The following TNRC6A variants were observed in gnomAD, a reference collection of about 807,000 sequenced individuals.
TNRC6A encodes the protein trinucleotide repeat containing adaptor 6A.
A neutral mutation model predicts 221.2 loss-of-function variants in TNRC6A; 44 were observed. The ratio of observed to expected loss-of-function variants is 0.20; its 90% CI spans 0.16 to 0.26. The LOEUF is 0.26. Among genes scored for constraint, TNRC6A ranks in the 10% least tolerant of loss-of-function variants. The pLI is 1.00. For synonymous variants in TNRC6A, 847 were observed against 838.5 expected (o/e 1.01, Z -0.18); for missense variants, 2,199 against 2,404.4 (o/e 0.91, Z 1.79).
chr16:24,809,711 G>A (rs529285501), intron 18 of TNRC6A, among the ~76,000 whole-genome samples: 1 of 152,282 alleles, frequency 6.6e-6, no homozygotes, highest in East Asian at 1.9e-4. Flanking sequence ...GATGATACAT[G>A]TTTAAAAATT....
chr16:24,749,608 C>T (rs199593573), intron 2 of TNRC6A, among the ~76,000 whole-genome samples: 1 of 152,096 alleles, frequency 6.6e-6, no homozygotes, highest in East Asian at 1.9e-4. Flanking sequence ...AAGGATGGTG[C>T]CTAAAACATC....
Position 24,758,303 on chromosome 16 carries a change from T to G in TNRC6A, c.142-36T>G, listed in dbSNP as rs201775778. The G allele has an allele frequency of 2.8e-5, 44 of 1,587,880 alleles. No homozygotes were observed. The African/African-American group carries it at 5.4e-4, about 19-fold the overall frequency. ...ACAGTCCATTTCTTTCAGTTTCATATTTACATTGTTTTTTGTTTGTTTGTT... is the reference window on the plus strand; with the variant it reads ...ACAGTCCATTTCTTTCAGTTTCATAGTTACATTGTTTTTTGTTTGTTTGTT... On this transcript the variant is annotated intron_variant, in intron 3 of 24. Transcript: ENST00000395799.
intron 1 of TNRC6A, chr16:24,610,564 T>G (rs1899998595): frequency 6.6e-6 from 1 of 152,282 alleles, no homozygotes; most frequent in Non-Finnish European, 1.5e-5. Flanking sequence ...GCACCCTCGC[T>G]GGGCCCGTTG....
chr16:24,729,820 C>G lies in TNRC6A; in HGVS notation c.-22C>G. 7.1e-7 allele frequency: 1 copy of G among 1,409,976 alleles called. No homozygotes were observed. The highest frequency in any genetic ancestry group is 2.7e-5 in the Admixed American group (1 of 37,098). 87.3% of individuals were successfully genotyped at this position (1,409,976 alleles called of 1,614,324 possible). The stretch of plus-strand genomic sequence containing the variant: ...CGCGAGCCTCCTTCGCCGCGCCCCA[C>G]TTGCTCGTGCACTTTACACACATGA... On this transcript the variant is annotated 5_prime_UTR_variant, in exon 1 of 25. Coordinates refer to ENST00000395799, the MANE Select transcript of TNRC6A (RefSeq NM_014494.4).
chr16:24,730,682 A>C (rs1470659327), intron 2 of TNRC6A, among the ~76,000 whole-genome samples: 4 of 141,766 alleles, frequency 2.8e-5, no homozygotes, highest in African/African-American at 5.3e-5. Flanking sequence ...CCCCGTTATT[A>C]CTTTGTAGCT....
intron 2 of TNRC6A, among the ~76,000 whole-genome samples, chr16:24,702,649 C>T (rs995863977): frequency 1.3e-5 from 2 of 152,088 alleles, no homozygotes; most frequent in African/African-American, 4.8e-5. Flanking sequence ...CACGGTGACA[C>T]CTCTTGAAAC....
intron 18 of TNRC6A, among the ~76,000 whole-genome samples, chr16:24,814,034 C>T (rs1046485452): frequency 2.0e-5 from 3 of 152,178 alleles, no homozygotes; most frequent in Non-Finnish European, 2.9e-5. Context: ...ATGCATAGTT[C>T]ACACAGATCA....
At chr16:24,634,016 A>G (rs1003063776) in intron 1 of TNRC6A, among the ~76,000 whole-genome samples, 2 of 151,086 alleles carry the variant, frequency 1.3e-5, no homozygotes, top group Non-Finnish European at 3.0e-5. Flanking sequence ...TCCTGGCCTC[A>G]AGTGATCCTC....
chr16:24,740,111 C>T (rs1283833863), intron 2 of TNRC6A, among the ~76,000 whole-genome samples: 1 of 152,180 alleles, frequency 6.6e-6, no homozygotes. Flanking sequence ...TTTCTGGACT[C>T]TCAATTCTAT....
At chr16:24,817,252 A>G (rs1423094881) in intron 20 of TNRC6A, among the ~76,000 whole-genome samples, 1 of 152,230 alleles carries the variant, frequency 6.6e-6, no homozygotes. Context: ...GCAAATATAT[A>G]TATTAATTTA....
Position 24,806,639 on chromosome 16 carries a change from G to T in TNRC6A, c.4395G>T (p.Leu1465Phe). ...QQSRQLDPNL[L>F]VKQQTPPSQQ... ...CTCGTCAACTTGATCCAAACCTGTT[G>T]GTGAAGCAGCAGACTCCACCATCTC... Residue 1465 changes from leucine to phenylalanine, a missense_variant, in exon 17 of 25, where the codon TTG becomes TTT. By Grantham distance (22) the Leu-to-Phe change is conservative (BLOSUM62 0). Around this residue, in one of 8 missense-constraint regions of TNRC6A, gnomAD observed 449 missense variants for 579.7 expected, o/e 0.77. Transcript: ENST00000395799. 1 of 1,614,182 alleles carries T rather than the reference G, an allele frequency of 6.2e-7. No individual in the cohort carries two copies. Among genetic ancestry groups the T allele is most frequent in the Non-Finnish European group, 8.5e-7 (1 of 1,180,042 alleles).
At chr16:24,786,360 T>G (rs1327671139) in intron 5 of TNRC6A, among the ~76,000 whole-genome samples, 1 of 152,044 alleles carries the variant, frequency 6.6e-6, no homozygotes, top group Non-Finnish European at 1.5e-5. Context: ...GAGTCTTGCT[T>G]TGTTGCCCAG....
chr16:24,763,169 A>T (rs193033416), intron 4 of TNRC6A, among the ~76,000 whole-genome samples: 430 of 152,318 alleles, frequency 2.8e-3, no homozygotes, highest in African/African-American at 1.0e-2. Context: ...TTTGATCTCT[A>T]TGCAGTAAAC....
intron 11 of TNRC6A, among the ~76,000 whole-genome samples, chr16:24,803,092 CAGT>C (rs2151969110): frequency 6.6e-6 from 1 of 152,232 alleles, no homozygotes; most frequent in East Asian, 1.9e-4. Flanking sequence ...AGGGCGATAA[CAGT>C]AGAGTTACAA....
chr16:24,705,331 GA>G (rs1567372991), intron 2 of TNRC6A, among the ~76,000 whole-genome samples: 1 of 150,158 alleles, frequency 6.7e-6, no homozygotes, highest in African/African-American at 2.5e-5. Flanking sequence ...GATATTAGAT[GA>G]ATTTTTTTTT....
chr16:24,769,999 GT>G (rs1246222843), intron 4 of TNRC6A, among the ~76,000 whole-genome samples: 1 of 152,182 alleles, frequency 6.6e-6, no homozygotes, highest in African/African-American at 2.4e-5. Context: ...TGACTGCATT[GT>G]AAGGGATTTG....
At chr16:24,821,787 T>A in intron 22 of TNRC6A, 1 of 451,422 alleles carries the variant, frequency 2.2e-6, no homozygotes, top group Non-Finnish European at 4.0e-6. Context: ...TTAGCTCCTA[T>A]CAATGAGAAG....
Position 24,805,765 on chromosome 16 carries a change from A to G in TNRC6A, c.4251+32A>G, listed in dbSNP as rs760645655. 1.9e-5 allele frequency: 31 copies of G among 1,613,694 alleles called. 1 individual carries two copies. In the South Asian group the frequency reaches 3.2e-4, roughly 17 times the overall value. ...AGAGTCATAGTCTTTCTTAGTACAC[A>G]TTTATGGAGCATCTACTGTATGCCA... is the stretch of plus-strand genomic sequence containing the variant. On this transcript the variant is annotated intron_variant, in intron 15 of 24. Transcript: ENST00000395799.
intron 11 of TNRC6A, 64 bp downstream of exon 11, chr16:24,798,030 C>T (rs914484461): frequency 7.0e-7 from 1 of 1,435,064 alleles, no homozygotes; most frequent in South Asian, 1.2e-5. Flanking sequence ...TGACATGATT[C>T]TACTGAAAGA....
Sources: gnomAD v4.1 joint callset for allele counts (sites outside exome capture counted in the v4.1 genomes callset) on GRCh38, gnomAD v4.1.1 for gene constraint, gnomAD v4.1.1 regional missense constraint, MANE v1.5 for transcripts, NCBI Gene and HGNC (gene_info 2026-07-23, HGNC 2026-07-21) for gene names.